Variants in PTPRD observed in about 807,000 individuals in gnomAD.
The protein encoded by PTPRD is receptor-type tyrosine-protein phosphatase delta.
In PTPRD, 34 loss-of-function variants were observed where a neutral mutation model predicts 214.5. The observed-to-expected ratio is 0.16, with a 90% CI of 0.12 to 0.21. The LOEUF (loss-of-function observed/expected upper bound fraction) is 0.21, where lower values mean the gene tolerates loss of function less well. Ranked by LOEUF, PTPRD falls within the 10% of genes least tolerant of loss-of-function variation. PTPRD has a pLI of 1.00. For synonymous variants in PTPRD, 1,128 were observed against 845.7 expected (o/e 1.33, Z -5.79); for missense variants, 2,545 against 2,398.7 (o/e 1.06, Z -1.27).
At chr9:10,465,473 G>A (rs1426261724) in intron 2 of PTPRD, among the ~76,000 whole-genome samples, 1 of 152,110 alleles carries the variant, frequency 6.6e-6, no homozygotes, top group Non-Finnish European at 1.5e-5. Context: ...CTACTAAAGA[G>A]TGTCGTCATG....
At chr9:10,480,157 C>A (rs562798889) in intron 2 of PTPRD, among the ~76,000 whole-genome samples, 23 of 152,224 alleles carry the variant, frequency 1.5e-4, no homozygotes, top group Admixed American at 6.5e-4. Context: ...ATAAATTCAA[C>A]CCCATGGCAA....
chr9:8,736,617 T>C (rs1161136678), intron 11 of PTPRD, among the ~76,000 whole-genome samples: 2 of 152,122 alleles, frequency 1.3e-5, no homozygotes, highest in African/African-American at 4.8e-5. Context: ...TTACCTTTTT[T>C]ATTAGTATTC....
intron 8 of PTPRD, among the ~76,000 whole-genome samples, chr9:9,459,107 C>T (rs569768537): frequency 2.0e-5 from 3 of 152,092 alleles, no homozygotes; most frequent in Non-Finnish European, 4.4e-5. Flanking sequence ...AGGTGGATGC[C>T]TGAGAAACTC....
rs141066994 is a variant in PTPRD, at chr9:9,893,614, T to G, written c.-368+44893A>C. On this transcript the variant is annotated intron_variant, in intron 5 of 45. Coordinates refer to ENST00000381196, the MANE Select transcript of PTPRD (RefSeq NM_002839.4). ...TTGAATAACCAAGCTTCTTTTGTTGTTTTGACATTGGAGAATTGAACATGC... is the reference window on the plus strand; with the variant it reads ...TTGAATAACCAAGCTTCTTTTGTTGGTTTGACATTGGAGAATTGAACATGC... Among the ~76,000 whole-genome samples, 665 of 152,242 alleles carry G rather than the reference T, an allele frequency of 4.4e-3. 1 individual carries two copies. Among genetic ancestry groups the G allele is most frequent in the African/African-American group, 0.014 (591 of 41,554 alleles).
At chr9:10,265,739 T>C (rs1376284404) in intron 3 of PTPRD, among the ~76,000 whole-genome samples, 4 of 152,176 alleles carry the variant, frequency 2.6e-5, no homozygotes, top group Non-Finnish European at 5.9e-5. Context: ...CCGGACCTGA[T>C]CCATAGGCAA....
At chr9:8,384,078 C>T (rs1371624834) in intron 37 of PTPRD, among the ~76,000 whole-genome samples, 3 of 152,120 alleles carry the variant, frequency 2.0e-5, no homozygotes, top group Non-Finnish European at 2.9e-5. Flanking sequence ...ATTTAATATA[C>T]ACTTACTTAA....
At chr9:8,516,003 T>C (rs10117042) in intron 21 of PTPRD, among the ~76,000 whole-genome samples, 29,611 of 152,092 alleles carry the variant, frequency 0.19, 3,046 homozygotes, top group East Asian at 0.27. Context: ...ACCCTGGTTA[T>C]GTTACTCCAA....
chr9:9,506,210 G>A lies in PTPRD; in HGVS notation c.-237+68522C>T, dbSNP rs552454039. The stretch of plus-strand genomic sequence containing the variant: ...AATTCACGCAGCAACCTATATAACT[G>A]TCTCCATGTTTATTATACATTGCTT... On this transcript the variant is annotated intron_variant, in intron 8 of 45. Transcript: ENST00000381196. 2.6e-5 allele frequency among the ~76,000 whole-genome samples: 4 copies of A among 151,314 alleles called. No homozygotes were observed. The South Asian group carries it at 8.3e-4, about 31-fold the overall frequency.
intron 8 of PTPRD, among the ~76,000 whole-genome samples, chr9:9,472,078 A>C (rs998416742): frequency 6.6e-6 from 1 of 152,084 alleles, no homozygotes; most frequent in African/African-American, 2.4e-5. Context: ...ATGGTGATCT[A>C]TGCCAATATT....
intron 3 of PTPRD, among the ~76,000 whole-genome samples, chr9:10,070,975 T>C (rs756721030): frequency 2.6e-5 from 4 of 151,990 alleles, no homozygotes; most frequent in Non-Finnish European, 4.4e-5. Context: ...TTCTTCCATA[T>C]GAGAAATGAA....
At chr9:9,765,131 G>A (rs1597175211) in intron 6 of PTPRD, among the ~76,000 whole-genome samples, 1 of 152,036 alleles carries the variant, frequency 6.6e-6, no homozygotes, top group African/African-American at 2.4e-5. Context: ...TCTCTTTACA[G>A]ATATGGAAAA....
chr9:9,205,871 C>T (rs532552716), intron 9 of PTPRD, among the ~76,000 whole-genome samples: 24 of 152,140 alleles, frequency 1.6e-4, no homozygotes, highest in South Asian at 6.2e-4. Flanking sequence ...GGAAGAAGGA[C>T]GCAATGACAC....
intron 12 of PTPRD, among the ~76,000 whole-genome samples, chr9:8,680,150 CTATT>C (rs1353856414): frequency 1.3e-5 from 2 of 151,656 alleles, no homozygotes; most frequent in African/African-American, 2.4e-5. Flanking sequence ...TATTTAAAAT[CTATT>C]TAATTAATCA....
chr9:8,581,035 ACT>A (rs2093023185), intron 14 of PTPRD, among the ~76,000 whole-genome samples: 1 of 152,068 alleles, frequency 6.6e-6, no homozygotes, highest in African/African-American at 2.4e-5. Flanking sequence ...TGACAAACAC[ACT>A]CTGCAGAAAA....
chr9:9,857,083 C>A (rs1225629109), intron 5 of PTPRD, among the ~76,000 whole-genome samples: 1 of 152,098 alleles, frequency 6.6e-6, no homozygotes. Context: ...GGCCCCGGGG[C>A]AGCATAAAGA....
At chr9:8,672,935 T>C (rs1456451687) in intron 12 of PTPRD, among the ~76,000 whole-genome samples, 1 of 151,956 alleles carries the variant, frequency 6.6e-6, no homozygotes, top group African/African-American at 2.4e-5. Context: ...TTAAAAACAG[T>C]AGACACAGCA....
At chr9:9,567,644 C>T (rs1436462069) in intron 8 of PTPRD, among the ~76,000 whole-genome samples, 3 of 151,966 alleles carry the variant, frequency 2.0e-5, no homozygotes, top group African/African-American at 7.2e-5. Context: ...ATAACTATAA[C>T]AGATACCACT....
intron 39 of PTPRD, among the ~76,000 whole-genome samples, chr9:8,373,115 CAT>C (rs1325697242): frequency 2.6e-5 from 4 of 151,932 alleles, no homozygotes; most frequent in African/African-American, 9.7e-5. Flanking sequence ...TGGCTTTTTG[CAT>C]AGTTTCTTTC....
intron 7 of PTPRD, 149 bp downstream of exon 7, chr9:9,734,384 T>G (rs777601383): frequency 1.3e-5 from 2 of 152,112 alleles, no homozygotes; most frequent in Non-Finnish European, 2.9e-5. Flanking sequence ...ACTGGACTTA[T>G]GAGATTCAAA....
Sources: allele counts gnomAD v4.1 joint callset (sites outside exome capture counted in the v4.1 genomes callset), GRCh38; gene constraint gnomAD v4.1.1; transcripts MANE v1.5; gene names NCBI Gene and HGNC (gene_info 2026-07-23, HGNC 2026-07-21).